COG5: variants seen among roughly 807,000 people sequenced by gnomAD.
COG5 encodes conserved oligomeric Golgi complex subunit 5.
Under a neutral mutation model 110.4 loss-of-function variants are expected in COG5, and 86 were observed. That is an observed-to-expected ratio of 0.78 (90% confidence interval 0.65 to 0.93). The LOEUF is 0.93. Ranked by LOEUF, COG5 falls within the 40% of genes least tolerant of loss-of-function variation. The pLI, the probability that COG5 is intolerant of heterozygous loss-of-function variation, is 0.00. For synonymous variants in COG5, 360 were observed against 334.6 expected (o/e 1.08, Z -0.83); for missense variants, 1,077 against 987.0 (o/e 1.09, Z -1.22).
At chr7:107,255,523 TCTC>T (rs572715490) in intron 16 of COG5, among the ~76,000 whole-genome samples, 160 of 152,210 alleles carry the variant, frequency 1.1e-3, no homozygotes, top group African/African-American at 3.7e-3. Flanking sequence ...GACACAGTAT[TCTC>T]CTAATTTTCT....
At chr7:107,269,106 C>G (rs1804037158) in intron 14 of COG5, among the ~76,000 whole-genome samples, 1 of 151,956 alleles carries the variant, frequency 6.6e-6, no homozygotes, top group Non-Finnish European at 1.5e-5. Context: ...CTTTTTTACC[C>G]TTTTCCATTA....
intron 6 of COG5, among the ~76,000 whole-genome samples, chr7:107,453,212 G>C (rs1795449758): frequency 6.6e-6 from 1 of 152,162 alleles, no homozygotes; most frequent in Non-Finnish European, 1.5e-5. Context: ...ATAAAAGTGA[G>C]TAAGCATTAC....
At chr7:107,370,716 C>T (rs1254696681) in intron 8 of COG5, among the ~76,000 whole-genome samples, 1 of 149,602 alleles carries the variant, frequency 6.7e-6, no homozygotes, top group Non-Finnish European at 1.5e-5. Flanking sequence ...AACCCAGGCA[C>T]CAGAGGTTGC....
At chr7:107,222,511 T>C (rs370897353) in intron 19 of COG5, among the ~76,000 whole-genome samples, 3 of 152,176 alleles carry the variant, frequency 2.0e-5, no homozygotes, top group South Asian at 2.1e-4. Flanking sequence ...GCCTCACCTG[T>C]CCCTTTTAAC....
chr7:107,408,832 A>C (rs1792061308), intron 7 of COG5, among the ~76,000 whole-genome samples: 1 of 152,200 alleles, frequency 6.6e-6, no homozygotes, highest in Non-Finnish European at 1.5e-5. Context: ...CAGTTTCCTG[A>C]CATGGAGGTA....
chr7:107,298,805 A>G (rs978043378), intron 11 of COG5, among the ~76,000 whole-genome samples: 1 of 152,182 alleles, frequency 6.6e-6, no homozygotes, highest in African/African-American at 2.4e-5. Context: ...CGGTCTCAAT[A>G]CATTGAAAAG....
chr7:107,411,808 G>A (rs1792320507), intron 7 of COG5, among the ~76,000 whole-genome samples: 1 of 152,018 alleles, frequency 6.6e-6, no homozygotes. Flanking sequence ...CTGATTTAGA[G>A]GATATGAAAA....
At chr7:107,510,761 C>T (rs1246200538) in intron 6 of COG5, among the ~76,000 whole-genome samples, 1 of 152,222 alleles carries the variant, frequency 6.6e-6, no homozygotes, top group Non-Finnish European at 1.5e-5. Context: ...CGCTCCACTA[C>T]ATGGAAACTG....
At chr7:107,269,966 AG>A (rs1426880459) in intron 14 of COG5, among the ~76,000 whole-genome samples, 1 of 152,180 alleles carries the variant, frequency 6.6e-6, no homozygotes, top group Non-Finnish European at 1.5e-5. Flanking sequence ...AGTATTCAAG[AG>A]TCCACGCTTA....
At chr7:107,219,941 TAAAC>T (rs1255772687) in intron 19 of COG5, among the ~76,000 whole-genome samples, 1 of 152,202 alleles carries the variant, frequency 6.6e-6, no homozygotes, top group East Asian at 1.9e-4. Context: ...GTGTATACAA[TAAAC>T]AAATATATGT....
intron 13 of COG5, among the ~76,000 whole-genome samples, chr7:107,282,007 C>CAAAAAAAAAAAAA (rs10706210): frequency 8.8e-6 from 1 of 113,330 alleles, no homozygotes. Flanking sequence ...ATCTGACTGC[C>CAAAAAAAAAAAAA]AAAAAAAAAA....
At chr7:107,352,521 A>G (rs1040145143) in intron 10 of COG5, among the ~76,000 whole-genome samples, 8 of 144,258 alleles carry the variant, frequency 5.5e-5, no homozygotes, top group Non-Finnish European at 1.5e-5. Context: ...AAAACAAAAA[A>G]AAAACCAGAA....
chr7:107,269,022 T>C (rs1202061154), intron 14 of COG5, among the ~76,000 whole-genome samples: 1 of 152,216 alleles, frequency 6.6e-6, no homozygotes, highest in East Asian at 1.9e-4. Flanking sequence ...AAACTTTCCC[T>C]TATTTGTCAT....
chr7:107,220,285 A>G (rs1220946972), intron 19 of COG5, among the ~76,000 whole-genome samples: 1 of 152,258 alleles, frequency 6.6e-6, no homozygotes, highest in Non-Finnish European at 1.5e-5. Context: ...GTACAGGATC[A>G]TCATTTGAAG....
chr7:107,445,990 T>C (rs369340458), intron 6 of COG5, among the ~76,000 whole-genome samples: 35 of 152,174 alleles, frequency 2.3e-4, no homozygotes, highest in Admixed American at 4.6e-4. Flanking sequence ...AAGACCTCAT[T>C]GAGAATAGTG....
intron 6 of COG5, among the ~76,000 whole-genome samples, chr7:107,460,811 T>C (rs980062515): frequency 3.3e-5 from 5 of 152,102 alleles, no homozygotes; most frequent in African/African-American, 1.2e-4. Context: ...TAAAATACAA[T>C]GAGGAAATAT....
chr7:107,410,732 G>A (rs946510394), intron 7 of COG5, among the ~76,000 whole-genome samples: 6 of 152,064 alleles, frequency 3.9e-5, no homozygotes, highest in South Asian at 2.1e-4. Context: ...GTGAGCCACC[G>A]TGCCCGGCCA....
At chr7:107,412,247 T>C (rs1340377044) in intron 7 of COG5, among the ~76,000 whole-genome samples, 1 of 152,106 alleles carries the variant, frequency 6.6e-6, no homozygotes, top group Non-Finnish European at 1.5e-5. Context: ...TATCTATATA[T>C]GCACATCATA....
intron 19 of COG5, among the ~76,000 whole-genome samples, chr7:107,222,889 A>T (rs1248024807): frequency 6.6e-6 from 1 of 152,176 alleles, no homozygotes; most frequent in African/African-American, 2.4e-5. Context: ...ATTAGGTCTC[A>T]TTAAAAAAAA....
Sources: gnomAD v4.1 joint callset for allele counts (sites outside exome capture counted in the v4.1 genomes callset) on GRCh38, gnomAD v4.1.1 for gene constraint, MANE v1.5 for transcripts, NCBI Gene and HGNC (gene_info 2026-07-23, HGNC 2026-07-21) for gene names.